The following GREM2 variants were observed in gnomAD, a reference collection of about 807,000 sequenced individuals.
The protein encoded by GREM2 is gremlin-2.
A neutral mutation model predicts 14.2 loss-of-function variants in GREM2; 11 were observed. That is an observed-to-expected ratio of 0.78 (90% CI 0.49 to 1.28). The LOEUF is 1.28. GREM2 is among the 50% of genes most tolerant of loss of function. GREM2 has a pLI of 0.00. For synonymous variants in GREM2, 98 were observed against 97.6 expected (o/e 1.00, Z -0.02); for missense variants, 210 against 218.5 (o/e 0.96, Z 0.24).
At chr1:240,593,008 G>A (rs1264186007) in intron 1 of GREM2, among the ~76,000 whole-genome samples, 2 of 151,594 alleles carry the variant, frequency 1.3e-5, no homozygotes, top group African/African-American at 2.4e-5. Flanking sequence ...AGCCGGCATG[G>A]TAGTGGGCGC....
chr1:240,533,714 G>A (rs1345856166), intron 1 of GREM2, among the ~76,000 whole-genome samples: 1 of 152,176 alleles, frequency 6.6e-6, no homozygotes. Flanking sequence ...TGGAGGATGG[G>A]TGGGCAAGAC....
intron 1 of GREM2, among the ~76,000 whole-genome samples, chr1:240,506,505 C>T (rs971181464): frequency 6.6e-6 from 1 of 152,008 alleles, no homozygotes; most frequent in South Asian, 2.1e-4. Flanking sequence ...TCAAGGCTCT[C>T]GACCAAGGAA....
chr1:240,535,354 A>C (rs1377687216), intron 1 of GREM2, among the ~76,000 whole-genome samples: 2 of 152,214 alleles, frequency 1.3e-5, no homozygotes, highest in Non-Finnish European at 2.9e-5. Context: ...AGGTTCTCAA[A>C]ACCAGTTTTG....
intron 1 of GREM2, among the ~76,000 whole-genome samples, chr1:240,578,808 A>ATAAAT (rs1290759880): frequency 1.5e-3 from 222 of 151,870 alleles, no homozygotes; most frequent in Non-Finnish European, 2.7e-3. Flanking sequence ...ATAAAATAAA[A>ATAAAT]TAAAATAAAA....
chr1:240,522,714 C>A (rs1250615196), intron 1 of GREM2, among the ~76,000 whole-genome samples: 1 of 152,122 alleles, frequency 6.6e-6, no homozygotes, highest in Non-Finnish European at 1.5e-5. Context: ...TGGTGAGATA[C>A]AATACATTGC....
At chr1:240,577,186 C>T (rs985067125) in intron 1 of GREM2, among the ~76,000 whole-genome samples, 1 of 152,006 alleles carries the variant, frequency 6.6e-6, no homozygotes, top group African/African-American at 2.4e-5. Flanking sequence ...CTGGCAGCGT[C>T]GAGATCAAAA....
intron 1 of GREM2, among the ~76,000 whole-genome samples, chr1:240,527,100 G>A (rs1678241871): frequency 6.6e-6 from 1 of 152,154 alleles, no homozygotes; most frequent in South Asian, 2.1e-4. Context: ...TCCAGCACAG[G>A]GTACGTTGTC....
chr1:240,504,167 T>G (rs1677631236), intron 1 of GREM2, among the ~76,000 whole-genome samples: 1 of 152,214 alleles, frequency 6.6e-6, no homozygotes, highest in Admixed American at 6.5e-5. Flanking sequence ...ACATAATTAT[T>G]AAAAATGGAA....
At chr1:240,541,653 A>AT (rs909286119) in intron 1 of GREM2, among the ~76,000 whole-genome samples, 13 of 141,018 alleles carry the variant, frequency 9.2e-5, no homozygotes, top group South Asian at 4.4e-4. Context: ...TTTCCCTTGG[A>AT]TTTTTTTTTT....
intron 1 of GREM2, among the ~76,000 whole-genome samples, chr1:240,497,340 G>A (rs1677449181): frequency 6.6e-6 from 1 of 152,088 alleles, no homozygotes; most frequent in African/African-American, 2.4e-5. Context: ...TTTTGATACA[G>A]GCCCCAAAGC....
At chr1:240,507,023 C>A (rs570980770) in intron 1 of GREM2, among the ~76,000 whole-genome samples, 1 of 152,138 alleles carries the variant, frequency 6.6e-6, no homozygotes, top group African/African-American at 2.4e-5. Flanking sequence ...GGGCTGGAGC[C>A]GGGGCTGGTA....
chr1:240,575,341 T>G (rs2103370025), intron 1 of GREM2, among the ~76,000 whole-genome samples: 1 of 150,284 alleles, frequency 6.7e-6, no homozygotes, highest in Admixed American at 6.7e-5. Context: ...ATTTCTAGAA[T>G]GAGAGTTGCA....
rs543758177 is a variant in GREM2 at position 240,569,921 on chromosome 1, A to T, written c.-2+41963T>A. Among the ~76,000 whole-genome samples the T allele has an allele frequency of 7.2e-3, 1,089 of 152,042 alleles. 9 individuals are homozygous for T. Among genetic ancestry groups the T allele is most frequent in the African/African-American group, 0.024 (1,006 of 41,476 alleles). On this transcript the variant is annotated intron_variant, in intron 1 of 1. Transcript: ENST00000318160. Reference sequence around the variant, plus strand: ...TGTATGCCAATTATACTTCACTAAAATTTTTTTAATTGCATTAGAAACTTA... The same window carrying T: ...TGTATGCCAATTATACTTCACTAAATTTTTTTTAATTGCATTAGAAACTTA...
chr1:240,606,698 G>A (rs1354725458), intron 1 of GREM2, among the ~76,000 whole-genome samples: 1 of 142,346 alleles, frequency 7.0e-6, no homozygotes, highest in Non-Finnish European at 1.5e-5. Flanking sequence ...TTTTTTTTGA[G>A]GTGGAGTTTC....
chr1:240,526,277 C>T (rs1678220049), intron 1 of GREM2, among the ~76,000 whole-genome samples: 1 of 152,190 alleles, frequency 6.6e-6, no homozygotes, highest in African/African-American at 2.4e-5. Flanking sequence ...CATCCTGAGA[C>T]ATTAGGAGTC....
intron 1 of GREM2, among the ~76,000 whole-genome samples, chr1:240,504,767 C>A (rs1677644354): frequency 6.6e-6 from 1 of 152,086 alleles, no homozygotes. Flanking sequence ...TAATATATCA[C>A]CAAAAATAAT....
chr1:240,533,285 A>C (rs916281375), intron 1 of GREM2, among the ~76,000 whole-genome samples: 13 of 152,170 alleles, frequency 8.5e-5, no homozygotes, highest in Non-Finnish European at 1.6e-4. Flanking sequence ...AAAGGTTGGG[A>C]AAAGGAAAGG....
intron 1 of GREM2, among the ~76,000 whole-genome samples, chr1:240,602,820 A>C (rs762792109): frequency 7.3e-6 from 1 of 136,552 alleles, no homozygotes; most frequent in Non-Finnish European, 1.6e-5. Flanking sequence ...CTCAAAAAAA[A>C]TCCAGCACTT....
At chr1:240,556,823 A>C (rs1678958996) in intron 1 of GREM2, among the ~76,000 whole-genome samples, 1 of 152,200 alleles carries the variant, frequency 6.6e-6, no homozygotes, top group Non-Finnish European at 1.5e-5. Context: ...CAGGAGAAAA[A>C]TGCTTTTTTT....
Sources: gnomAD v4.1 joint callset for allele counts (sites outside exome capture counted in the v4.1 genomes callset) on GRCh38, gnomAD v4.1.1 for gene constraint, MANE v1.5 for transcripts, NCBI Gene and HGNC (gene_info 2026-07-23, HGNC 2026-07-21) for gene names.